Variants in HMCES observed in about 807,000 individuals in gnomAD.
The protein encoded by HMCES is abasic site processing protein HMCES.
HMCES carries 27 observed loss-of-function variants against 35.1 expected under a neutral mutation model. That is an observed-to-expected ratio of 0.77 (90% CI 0.57 to 1.06). HMCES has a LOEUF of 1.06. Ranked by LOEUF, HMCES falls within the 50% of genes least tolerant of loss-of-function variation. The pLI is 0.00. For missense variants in HMCES, 391 were observed against 430.4 expected, an observed-to-expected ratio of 0.91 and a Z score of 0.81; for synonymous variants, 130 against 154.7, an observed-to-expected ratio of 0.84 and a Z score of 1.18.
rs1468917859 is a variant in HMCES at position 129,301,978 on chromosome 3, G to A, written c.664G>A (p.Ala222Thr). 8.7e-6 allele frequency: 14 copies of A among 1,613,844 alleles called. No individual in the cohort carries two copies. Among genetic ancestry groups the A allele is most frequent in the Non-Finnish European group, 1.1e-5 (13 of 1,179,846 alleles). ...GCCTGCCATATTAGATGGAGAGGAG[G>A]CAGTTTCTAAATGGCTTGACTTTGG... Reference protein sequence around the residue: ...RMPAILDGEEAVSKWLDFGEV... With the variant: ...RMPAILDGEETVSKWLDFGEV... Residue 222 changes from alanine to threonine, a missense_variant, in exon 6 of 7, where the codon GCA becomes ACA. Transcript: ENST00000383463.
At chr3:129,303,451 C>T (rs1425106089) in intron 6 of HMCES, among the ~76,000 whole-genome samples, 1 of 152,164 alleles carries the variant, frequency 6.6e-6, no homozygotes, top group Non-Finnish European at 1.5e-5. Context: ...AATTAGATAA[C>T]TCTAAAACTA....
chr3:129,304,466 C>G, intron 6 of HMCES, 123 bp from the exon 7 acceptor site: 1 of 800,758 alleles, frequency 1.2e-6, no homozygotes, highest in Non-Finnish European at 2.1e-6. Context: ...CCAGCTGGCC[C>G]TTAGTAACAT....
chr3:129,290,907 A>T, intron 4 of HMCES, 103 bp downstream of exon 4: 1 of 1,229,378 alleles, frequency 8.1e-7, no homozygotes, highest in East Asian at 2.7e-5. Context: ...TATTTATTTT[A>T]AAATAACAGC....
At chr3:129,297,540 T>A (rs772239426) in intron 4 of HMCES, among the ~76,000 whole-genome samples, 1 of 152,154 alleles carries the variant, frequency 6.6e-6, no homozygotes, top group Non-Finnish European at 1.5e-5. Flanking sequence ...GCCGTCTTTT[T>A]CGAGCACTGG....
At chr3:129,296,574 T>C (rs2071095332) in intron 4 of HMCES, among the ~76,000 whole-genome samples, 1 of 152,232 alleles carries the variant, frequency 6.6e-6, no homozygotes, top group South Asian at 2.1e-4. Flanking sequence ...GGTGGTTGAT[T>C]GCTTTAGCTT....
chr3:129,292,776 G>A (rs112962786), intron 4 of HMCES, among the ~76,000 whole-genome samples: 16,276 of 152,020 alleles, frequency 0.11, 2,468 homozygotes, highest in African/African-American at 0.34. Context: ...GAGCCACTGC[G>A]CCTGGCCGAG....
chr3:129,297,755 C>T (rs180863181), intron 4 of HMCES, among the ~76,000 whole-genome samples: 14 of 152,270 alleles, frequency 9.2e-5, no homozygotes, highest in Admixed American at 2.0e-4. Flanking sequence ...CCCATTGCCC[C>T]TTGGAGGACC....
In HMCES at chr3:129,304,931, G is replaced by A; in HGVS notation, c.*106G>A. On this transcript the variant is annotated 3_prime_UTR_variant, in exon 7 of 7. Coordinates refer to ENST00000383463, the MANE Select transcript of HMCES (RefSeq NM_020187.3). ...GTTTGCTTTGGGAGGAGGTGGCACT[G>A]TGTTAGTTGACAGTTGTGGGCTCAT... The A allele has an allele frequency of 1.1e-6, 1 of 905,912 alleles. No homozygotes were observed. Among genetic ancestry groups the A allele is most frequent in the Non-Finnish European group, 1.7e-6 (1 of 583,588 alleles). The allele number at this position is 905,912 out of a possible 1,614,324, so 56.1% of individuals were successfully genotyped here.
intron 4 of HMCES, among the ~76,000 whole-genome samples, chr3:129,294,552 C>CGA (rs1404382862): frequency 1.3e-5 from 2 of 152,226 alleles, no homozygotes; most frequent in African/African-American, 4.8e-5. Context: ...AGTATTCTCC[C>CGA]AGTTCCTCCT....
rs772756630 is a variant in HMCES at position 129,290,668 on chromosome 3, T to G, written c.328-11T>G. Reference sequence around the variant, plus strand: ...TCACTAAGACCATATCTTGCTCACATTTTCCCTCAGGTGCCTCTGGGAAAG... The same window carrying G: ...TCACTAAGACCATATCTTGCTCACAGTTTCCCTCAGGTGCCTCTGGGAAAG... On this transcript the variant is annotated splice_polypyrimidine_tract_variant and intron_variant, in intron 3 of 6. Transcript: ENST00000383463. The G allele has an allele frequency of 6.2e-7, 1 of 1,608,026 alleles. No homozygotes were observed. Among genetic ancestry groups the G allele is most frequent in the South Asian group, 1.1e-5 (1 of 90,896 alleles).
chr3:129,290,774 C>T lies in HMCES; in HGVS notation c.423C>T (p.Phe141=). 6.2e-7 allele frequency: 1 copy of T among 1,613,310 alleles called. No individual in the cohort carries two copies. Among genetic ancestry groups the T allele is most frequent in the Non-Finnish European group, 8.5e-7 (1 of 1,179,346 alleles). ...CQGTNQRQPY[F]IYFPQIKTEK... The stretch of plus-strand genomic sequence containing the variant: ...GAACAAACCAGAGGCAGCCATACTT[C>T]ATCTATTTTCCTCAAATCAAGACAG... Residue 141 remains phenylalanine, a synonymous_variant, in exon 4 of 7, where the codon TTC becomes TTT. Transcript: ENST00000383463.
At chr3:129,297,002 T>G (rs2071101396) in intron 4 of HMCES, among the ~76,000 whole-genome samples, 1 of 152,172 alleles carries the variant, frequency 6.6e-6, no homozygotes, top group African/African-American at 2.4e-5. Context: ...CCTCCCAAAG[T>G]GCTGGGATGA....
intron 2 of HMCES, among the ~76,000 whole-genome samples, chr3:129,286,592 A>G (rs1247313630): frequency 2.0e-5 from 3 of 152,266 alleles, no homozygotes; most frequent in African/African-American, 7.2e-5. Context: ...TATGATCTTC[A>G]TAAAACATTT....
chr3:129,301,985 C>A lies in HMCES; in HGVS notation c.671C>A (p.Ser224Tyr), dbSNP rs773293805. 6.3e-5 allele frequency: 101 copies of A among 1,613,980 alleles called. No homozygotes were observed. The Admixed American group carries it at 1.7e-3, about 27-fold the overall frequency. Reference protein sequence around the residue: ...PAILDGEEAVSKWLDFGEVST... With the variant: ...PAILDGEEAVYKWLDFGEVST... ...ATATTAGATGGAGAGGAGGCAGTTT[C>A]TAAATGGCTTGACTTTGGTGAAGTC... is the stretch of plus-strand genomic sequence containing the variant. The change falls in exon 6 of 7, where the codon TCT (serine) becomes TAT (tyrosine). Residue 224 changes from serine to tyrosine, a missense_variant. Ser to Tyr is a moderately radical substitution (Grantham distance 144). Transcript: ENST00000383463.
intron 4 of HMCES, among the ~76,000 whole-genome samples, chr3:129,296,059 A>C (rs777315638): frequency 5.3e-5 from 8 of 149,948 alleles, no homozygotes; most frequent in Non-Finnish European, 8.9e-5. Flanking sequence ...CTTTTCACTG[A>C]CCGTTTTTTT....
intron 3 of HMCES, 146 bp from the exon 4 acceptor site, chr3:129,290,533 C>T (rs2071000413): frequency 1.5e-6 from 1 of 671,018 alleles, no homozygotes; most frequent in East Asian, 3.1e-5. Flanking sequence ...ATCCTCCCAT[C>T]TCGGCCGCCC....
chr3:129,288,702 AAT>A, intron 2 of HMCES, 150 bp from the exon 3 acceptor site: 1 of 686,630 alleles, frequency 1.5e-6, no homozygotes, highest in Non-Finnish European at 2.1e-6. Context: ...TCTCAAAAAA[AAT>A]AAAAAAATTG....
intron 6 of HMCES, among the ~76,000 whole-genome samples, chr3:129,303,745 T>C (rs1463916773): frequency 6.6e-6 from 1 of 151,880 alleles, no homozygotes; most frequent in Non-Finnish European, 1.5e-5. Context: ...TTTTTTTTTT[T>C]CCTTTTTCTT....
At chr3:129,298,644 G>A in intron 5 of HMCES, 109 bp downstream of exon 5, 1 of 891,518 alleles carries the variant, frequency 1.1e-6, no homozygotes, top group Non-Finnish European at 1.7e-6. Context: ...ACAACGTAAA[G>A]TTACAATCAG....
Sources: allele counts gnomAD v4.1 joint callset (sites outside exome capture counted in the v4.1 genomes callset), GRCh38; gene constraint gnomAD v4.1.1; transcripts MANE v1.5; gene names NCBI Gene and HGNC (gene_info 2026-07-23, HGNC 2026-07-21).